Variants in LRP1B observed in about 807,000 individuals in gnomAD.
LRP1B encodes low-density lipoprotein receptor-related protein 1B.
In LRP1B, 217 loss-of-function variants were observed where a neutral mutation model predicts 556.6. The observed-to-expected ratio is 0.39, with a 90% CI of 0.35 to 0.44. LRP1B has a LOEUF of 0.44. LRP1B is among the 20% of genes least tolerant of loss of function. LRP1B has a pLI of 1.00. For synonymous variants in LRP1B, 2,047 were observed against 1,865.8 expected, an observed-to-expected ratio of 1.10 and a Z score of -2.50; for missense variants, 5,053 against 5,620.8, an observed-to-expected ratio of 0.90 and a Z score of 3.23.
intron 1 of LRP1B, among the ~76,000 whole-genome samples, chr2:141,822,130 C>CAGAGAGAGAGAGAGAGAGAGAG (rs1553469382): frequency 4.4e-4 from 42 of 95,884 alleles, no homozygotes; most frequent in African/African-American, 1.3e-3. Flanking sequence ...CACACACACA[C>CAGAGAGAGAGAGAGAGAGAGAG]AGAGAGAGAG....
intron 3 of LRP1B, among the ~76,000 whole-genome samples, chr2:141,374,569 T>A (rs1689357726): frequency 6.6e-6 from 1 of 152,198 alleles, no homozygotes. Context: ...ATTCATTCTA[T>A]TTTATCCTTT....
chr2:141,585,151 T>A (rs1215813530), intron 2 of LRP1B, among the ~76,000 whole-genome samples: 1 of 152,202 alleles, frequency 6.6e-6, no homozygotes, highest in Non-Finnish European at 1.5e-5. Context: ...CTTGTAATAT[T>A]TCCGATGTTC....
chr2:141,760,746 A>G (rs1694514405), intron 2 of LRP1B, among the ~76,000 whole-genome samples: 1 of 152,220 alleles, frequency 6.6e-6, no homozygotes. Flanking sequence ...AAAAATAAGG[A>G]CACTCAAAGA....
intron 1 of LRP1B, among the ~76,000 whole-genome samples, chr2:141,968,531 T>C (rs1009070998): frequency 1.3e-5 from 2 of 151,720 alleles, no homozygotes; most frequent in Non-Finnish European, 3.0e-5. Context: ...ACCTAAGACA[T>C]GATTTTATGA....
intron 77 of LRP1B, among the ~76,000 whole-genome samples, chr2:140,338,753 G>C (rs1427181261): frequency 1.3e-5 from 2 of 151,714 alleles, no homozygotes; most frequent in African/African-American, 4.8e-5. Context: ...CATTCTGAGA[G>C]TGGAAATGAA....
intron 86 of LRP1B, among the ~76,000 whole-genome samples, chr2:140,256,097 A>G (rs1681663446): frequency 6.6e-6 from 1 of 152,178 alleles, no homozygotes; most frequent in African/African-American, 2.4e-5. Context: ...AAACAAATAT[A>G]CAATTAAATG....
intron 1 of LRP1B, among the ~76,000 whole-genome samples, chr2:142,048,786 G>A (rs1427116380): frequency 6.6e-6 from 1 of 151,804 alleles, no homozygotes; most frequent in Non-Finnish European, 1.5e-5. Flanking sequence ...AATAACTATT[G>A]GGCAATGAAA....
intron 3 of LRP1B, among the ~76,000 whole-genome samples, chr2:141,281,646 C>T (rs1573749691): frequency 6.6e-6 from 1 of 151,928 alleles, no homozygotes; most frequent in Non-Finnish European, 1.5e-5. Flanking sequence ...ATCTAGAACC[C>T]AGTCAGTAAA....
chr2:140,357,149 A>G (rs1326121743), intron 74 of LRP1B, among the ~76,000 whole-genome samples: 2 of 151,772 alleles, frequency 1.3e-5, no homozygotes, highest in East Asian at 1.9e-4. Context: ...CTTTTAAATA[A>G]ATGAGAGGGA....
chr2:141,870,246 T>C lies in LRP1B; in HGVS notation c.83-59845A>G, dbSNP rs137942574. ...TTTTTCAAAATGACTCTTATTTTTA[T>C]TCTTCCTCTCTACTATGAATGCCAT... On this transcript the variant is annotated intron_variant, in intron 1 of 90. Transcript: ENST00000389484. 5.1e-3 allele frequency among the ~76,000 whole-genome samples: 778 copies of C among 152,094 alleles called. 6 individuals are homozygous for C. The highest frequency in any genetic ancestry group is 0.018 in the African/African-American group (732 of 41,548).
chr2:141,183,563 G>A (rs926768597), intron 7 of LRP1B, among the ~76,000 whole-genome samples: 1 of 151,970 alleles, frequency 6.6e-6, no homozygotes, highest in Non-Finnish European at 1.5e-5. Context: ...ACAGAACAAA[G>A]ACAACACACT....
At chr2:141,863,698 T>TATGG (rs1338348816) in intron 1 of LRP1B, among the ~76,000 whole-genome samples, 2 of 152,174 alleles carry the variant, frequency 1.3e-5, no homozygotes, top group Non-Finnish European at 2.9e-5. Context: ...TGAAACCAAG[T>TATGG]CTTAGAAAAG....
chr2:141,074,055 A>T (rs1364885423), intron 7 of LRP1B, among the ~76,000 whole-genome samples: 1 of 152,094 alleles, frequency 6.6e-6, no homozygotes, highest in African/African-American at 2.4e-5. Flanking sequence ...CATTCCTAAC[A>T]TTACCAACAA....
At chr2:140,390,807 A>C (rs987917225) in intron 66 of LRP1B, among the ~76,000 whole-genome samples, 5 of 135,582 alleles carry the variant, frequency 3.7e-5, no homozygotes, top group East Asian at 2.1e-4. Flanking sequence ...CACACACACA[A>C]CATATTTGAG....
chr2:140,419,183 T>C (rs573538528), intron 66 of LRP1B, among the ~76,000 whole-genome samples: 17 of 150,556 alleles, frequency 1.1e-4, no homozygotes, highest in Non-Finnish European at 2.4e-4. Context: ...AAAGTAGATA[T>C]CATAGCAAAG....
intron 8 of LRP1B, 146 bp downstream of exon 8, chr2:141,061,905 G>A: frequency 4.7e-6 from 3 of 643,028 alleles, no homozygotes; most frequent in Non-Finnish European, 8.1e-6. Context: ...ACTGTGAAAA[G>A]AACATTCTCC....
chr2:142,085,942 C>T (rs946440351), intron 1 of LRP1B, among the ~76,000 whole-genome samples: 4 of 152,192 alleles, frequency 2.6e-5, no homozygotes, highest in African/African-American at 9.6e-5. Context: ...TTTGATCCAC[C>T]TCTCAGTGTA....
intron 1 of LRP1B, among the ~76,000 whole-genome samples, chr2:141,866,783 A>G (rs1251568872): frequency 6.6e-6 from 1 of 151,842 alleles, no homozygotes; most frequent in African/African-American, 2.4e-5. Context: ...AGGGGACAGG[A>G]TATGAGGTAA....
chr2:140,268,388 ACTC>A lies in LRP1B; in HGVS notation c.13247+1851_13247+1853del, dbSNP rs543025695. Among the ~76,000 whole-genome samples the A allele has an allele frequency of 3.4e-4, 51 of 151,748 alleles. No individual in the cohort carries two copies. In the South Asian group the frequency reaches 0.011, roughly 32 times the overall value. ...CAACAAGTATCACCTTCACAACAAA[ACTC>A]CTTCAGCTCAAGCCTCTGCCTCAAG... On this transcript the variant is annotated intron_variant, in intron 86 of 90. Transcript: ENST00000389484.
Sources: gnomAD v4.1 joint callset for allele counts (sites outside exome capture counted in the v4.1 genomes callset) on GRCh38, gnomAD v4.1.1 for gene constraint, MANE v1.5 for transcripts, NCBI Gene and HGNC (gene_info 2026-07-23, HGNC 2026-07-21) for gene names.